The following MMD variants were observed in gnomAD, a reference collection of about 807,000 sequenced individuals.
MMD encodes the protein monocyte to macrophage differentiation associated, also known as monocyte to macrophage differentiation factor.
In MMD, 22 loss-of-function variants were observed where a neutral mutation model predicts 33.6. That is an observed-to-expected ratio of 0.66 (90% confidence interval 0.47 to 0.94). The LOEUF is 0.94. Among genes scored for constraint, MMD ranks in the 40% least tolerant of loss-of-function variants. The pLI is 0.00. For missense variants in MMD, 242 were observed against 309.8 expected, an observed-to-expected ratio of 0.78 and a Z score of 1.64; for synonymous variants, 97 against 103.2, an observed-to-expected ratio of 0.94 and a Z score of 0.36.
chr17:55,404,135 A>G (rs1172526239), intron 4 of MMD, among the ~76,000 whole-genome samples: 1 of 152,188 alleles, frequency 6.6e-6, no homozygotes, highest in African/African-American at 2.4e-5. Context: ...CAGACGGATC[A>G]CTTGAGGTCA....
chr17:55,402,517 A>G (rs1231187181), intron 5 of MMD, among the ~76,000 whole-genome samples: 1 of 152,252 alleles, frequency 6.6e-6, no homozygotes, highest in African/African-American at 2.4e-5. Flanking sequence ...TGTAAATCCT[A>G]GAACAGTACC....
chr17:55,413,505 GC>G lies in MMD; in HGVS notation c.108+645del, dbSNP rs757195701. 9.2e-5 allele frequency among the ~76,000 whole-genome samples: 14 copies of G among 151,722 alleles called. No homozygotes were observed. The South Asian group carries it at 2.3e-3, about 25-fold the overall frequency. ...CACACAAACACACACACAAAGAAAT[GC>G]ACCGAAGTGTTAACAGTTTATTTCT... On this transcript the variant is annotated intron_variant, in intron 2 of 6. Coordinates refer to ENST00000262065, the MANE Select transcript of MMD (RefSeq NM_012329.3).
chr17:55,411,225 G>C (rs1195648257), intron 3 of MMD, 32 bp downstream of exon 3: 7 of 1,594,402 alleles, frequency 4.4e-6, no homozygotes, highest in South Asian at 1.1e-5. Flanking sequence ...CAACTATTTG[G>C]ATCTGTTGAA....
intron 3 of MMD, among the ~76,000 whole-genome samples, chr17:55,408,956 G>A (rs920082506): frequency 4.6e-5 from 7 of 152,020 alleles, no homozygotes; most frequent in Non-Finnish European, 8.8e-5. Flanking sequence ...AGCTGAGATC[G>A]CACCACTGCA....
In MMD at chr17:55,393,411, C is replaced by T. The variant is rs182146765; in HGVS notation, c.*923G>A. ...GGGCACCAAACAGGCAATACAACTG[C>T]TCACTGTAATACATAATGCTCTTCA... On this transcript the variant is annotated 3_prime_UTR_variant, in exon 7 of 7. Transcript: ENST00000262065. 6.6e-6 allele frequency: 1 copy of T among 152,596 alleles called. No homozygotes were observed. Among genetic ancestry groups the T allele is most frequent in the East Asian group, 1.9e-4 (1 of 5,202 alleles). The allele number at this position is 152,596 out of a possible 1,614,324, so 9.5% of individuals were successfully genotyped here.
intron 2 of MMD, among the ~76,000 whole-genome samples, chr17:55,413,821 G>A (rs1907856237): frequency 6.6e-6 from 1 of 152,164 alleles, no homozygotes; most frequent in Admixed American, 6.5e-5. Context: ...GTCTTGAAAA[G>A]GCGATTCATT....
In MMD at chr17:55,394,234, C is replaced by A. The variant is rs183188772; in HGVS notation, c.*100G>T. ...ATATTCAAAAGATATAAAGTCAGTG[C>A]AGTTATTTTTTTTCTTTCCCTGTGC... is the stretch of plus-strand genomic sequence containing the variant. On this transcript the variant is annotated 3_prime_UTR_variant, in exon 7 of 7. Coordinates refer to ENST00000262065, the MANE Select transcript of MMD (RefSeq NM_012329.3). 2.7e-4 allele frequency: 227 copies of A among 830,584 alleles called. 1 individual carries two copies. In the African/African-American group the frequency reaches 3.6e-3, roughly 13 times the overall value. 51.5% of individuals were successfully genotyped at this position (830,584 alleles called of 1,614,324 possible). A position where few individuals can be genotyped will look rare whatever the true frequency, so the allele number is the denominator to read the frequency against.
chr17:55,393,218 C>A lies in MMD; in HGVS notation c.*1116G>T, dbSNP rs1197538199. 1 of 149,130 alleles carries A rather than the reference C, an allele frequency of 6.7e-6. No individual in the cohort carries two copies. Among genetic ancestry groups the A allele is most frequent in the African/African-American group, 2.5e-5 (1 of 40,556 alleles). 9.2% of individuals were successfully genotyped at this position (149,130 alleles called of 1,614,324 possible). On this transcript the variant is annotated 3_prime_UTR_variant, in exon 7 of 7. Coordinates refer to ENST00000262065, the MANE Select transcript of MMD (RefSeq NM_012329.3). ...TGGACTACAGATACATGAGTTTCTA[C>A]CTGTCAAACAATGCTTTAAATATTT...
chr17:55,414,318 T>G, intron 1 of MMD, 86 bp from the exon 2 acceptor site: 1 of 1,259,164 alleles, frequency 7.9e-7, no homozygotes, highest in Non-Finnish European at 1.2e-6. Flanking sequence ...ATGTGGTCTA[T>G]TCTACGCAAA....
rs1052750357 is a variant in MMD, at chr17:55,394,455, C to A, written c.596G>T (p.Gly199Val). 2 of 1,545,640 alleles carry A rather than the reference C, an allele frequency of 1.3e-6. No individual in the cohort carries two copies. The highest frequency in any genetic ancestry group is 1.4e-5 in the African/African-American group (1 of 70,870). ...GATGGCGTGGGCAAATGGAATGATG[C>A]CATCACTCTTGAAGAACACAACTCC... Reference protein sequence around the residue: ...CLGVVFFKSDGIIPFAHAIWH... With the variant: ...CLGVVFFKSDVIIPFAHAIWH... The change falls in exon 7 of 7, where the codon GGC (glycine) becomes GTC (valine). Residue 199 changes from glycine to valine, a missense_variant. Coordinates refer to ENST00000262065, the MANE Select transcript of MMD (RefSeq NM_012329.3).
chr17:55,395,215 A>AT (rs1312698087), intron 6 of MMD, among the ~76,000 whole-genome samples: 1 of 152,190 alleles, frequency 6.6e-6, no homozygotes, highest in Non-Finnish European at 1.5e-5. Flanking sequence ...AGAAGGGAGA[A>AT]TTTTTTAGGC....
chr17:55,421,718 G>T lies in MMD; in HGVS notation c.-23C>A. ...CATTGATCCTCTGCTCCTCCTCGGG[G>T]GCCAGGAGCTCCGTCTCGTCAGCAC... On this transcript the variant is annotated 5_prime_UTR_variant, in exon 1 of 7. Coordinates refer to ENST00000262065, the MANE Select transcript of MMD (RefSeq NM_012329.3). The T allele has an allele frequency of 1.9e-6, 3 of 1,584,320 alleles. No homozygotes were observed. Among genetic ancestry groups the T allele is most frequent in the Non-Finnish European group, 2.6e-6 (3 of 1,166,406 alleles).
At chr17:55,420,828 T>A (rs570333257) in intron 1 of MMD, among the ~76,000 whole-genome samples, 5 of 152,198 alleles carry the variant, frequency 3.3e-5, no homozygotes, top group Admixed American at 2.0e-4. Flanking sequence ...CTCAGAGTCA[T>A]GGGCTAACCT....
At chr17:55,403,338 A>G (rs1207854709) in intron 5 of MMD, among the ~76,000 whole-genome samples, 1 of 152,202 alleles carries the variant, frequency 6.6e-6, no homozygotes, top group Non-Finnish European at 1.5e-5. Context: ...CTTTTTCTCA[A>G]GATACCCTTT....
At chr17:55,411,141 G>A (rs1907744267) in intron 3 of MMD, 116 bp downstream of exon 3, 2 of 1,202,136 alleles carry the variant, frequency 1.7e-6, no homozygotes, top group Admixed American at 2.4e-5. Flanking sequence ...TAGTCTACAA[G>A]GCAGAAAAAT....
chr17:55,413,205 A>C (rs1234384258), intron 2 of MMD, among the ~76,000 whole-genome samples: 1 of 152,230 alleles, frequency 6.6e-6, no homozygotes, highest in Non-Finnish European at 1.5e-5. Context: ...TATTGTACCA[A>C]CAGTGACTAC....
At position 55,418,091 on chromosome 17, in the gene MMD, T is replaced by C. The variant is rs556494240; in HGVS notation, c.26+3579A>G. On this transcript the variant is annotated intron_variant, in intron 1 of 6. Coordinates refer to ENST00000262065, the MANE Select transcript of MMD (RefSeq NM_012329.3). ...CTTCTGTCTAGGATATTCTCCAGAA[T>C]GCTCAGCTCTCTTCTCATCCTTTCA... Among the ~76,000 whole-genome samples the C allele has an allele frequency of 1.6e-4, 24 of 152,372 alleles. No homozygotes were observed. The South Asian group carries it at 3.9e-3, about 25-fold the overall frequency.
At chr17:55,421,127 G>T (rs1455236146) in intron 1 of MMD, among the ~76,000 whole-genome samples, 1 of 152,254 alleles carries the variant, frequency 6.6e-6, no homozygotes, top group Non-Finnish European at 1.5e-5. Flanking sequence ...GGCGGAGCGT[G>T]CCTCAGTTTC....
At position 55,394,595 on chromosome 17, in the gene MMD, A is replaced by G. The variant is rs559008986; in HGVS notation, c.517-61T>C. 74 of 1,269,700 alleles carry G rather than the reference A, an allele frequency of 5.8e-5. No individual in the cohort carries two copies. The African/African-American group carries it at 1.0e-3, about 17-fold the overall frequency. The allele number at this position is 1,269,700 out of a possible 1,614,324, so 78.7% of individuals were successfully genotyped here. A position where few individuals can be genotyped will look rare whatever the true frequency, so the allele number is the denominator to read the frequency against. ...TGTTACTCTGCATGGCAAGCTACAGATAACTGTAATTCTCTCTAAGGCTCT... is the reference window on the plus strand; with the variant it reads ...TGTTACTCTGCATGGCAAGCTACAGGTAACTGTAATTCTCTCTAAGGCTCT... On this transcript the variant is annotated intron_variant, in intron 6 of 6. Coordinates refer to ENST00000262065, the MANE Select transcript of MMD (RefSeq NM_012329.3).
Sources: allele counts gnomAD v4.1 joint callset (sites outside exome capture counted in the v4.1 genomes callset), GRCh38; gene constraint gnomAD v4.1.1; transcripts MANE v1.5; gene names NCBI Gene and HGNC (gene_info 2026-07-23, HGNC 2026-07-21).